Variants in CDCA7L observed in about 807,000 individuals in gnomAD.
The protein encoded by CDCA7L is cell division cycle-associated 7-like protein.
Under a neutral mutation model 57.4 loss-of-function variants are expected in CDCA7L, and 44 were observed. The ratio of observed to expected loss-of-function variants is 0.77; its 90% CI spans 0.60 to 0.98. The LOEUF (loss-of-function observed/expected upper bound fraction) is 0.98, where lower values mean the gene tolerates loss of function less well. Ranked by LOEUF, CDCA7L falls within the 50% of genes least tolerant of loss-of-function variation. The probability of loss-of-function intolerance (pLI) is 0.00; values close to 1 mark genes in which losing one functional copy is unlikely to be tolerated. For synonymous variants in CDCA7L, 236 were observed against 202.8 expected, an observed-to-expected ratio of 1.16 and a Z score of -1.39; for missense variants, 644 against 580.6, an observed-to-expected ratio of 1.11 and a Z score of -1.12.
At chr7:21,915,807 G>C (rs1785466583) in intron 2 of CDCA7L, among the ~76,000 whole-genome samples, 1 of 152,014 alleles carries the variant, frequency 6.6e-6, no homozygotes, top group Non-Finnish European at 1.5e-5. Flanking sequence ...CAGCCTGGGT[G>C]ACACAATGAT....
intron 7 of CDCA7L, 25 bp downstream of exon 7, chr7:21,905,481 G>A: frequency 6.2e-7 from 1 of 1,610,178 alleles, no homozygotes; most frequent in Non-Finnish European, 8.5e-7. Context: ...CTCCCAATAA[G>A]AATGACAATT....
chr7:21,913,455 G>A (rs989543217), intron 2 of CDCA7L, among the ~76,000 whole-genome samples: 2 of 152,188 alleles, frequency 1.3e-5, no homozygotes, highest in African/African-American at 4.8e-5. Context: ...TCTCTCTATT[G>A]GTTAAAATGG....
At chr7:21,944,764 G>A (rs894266046) in intron 1 of CDCA7L, 1 of 152,044 alleles carries the variant, frequency 6.6e-6, no homozygotes, top group Non-Finnish European at 1.5e-5. Flanking sequence ...TTCCAACGCT[G>A]GCGGCCCCGC....
chr7:21,930,540 C>A (rs951137630), intron 1 of CDCA7L, among the ~76,000 whole-genome samples: 4 of 151,352 alleles, frequency 2.6e-5, no homozygotes, highest in Non-Finnish European at 5.9e-5. Flanking sequence ...ACTAAAAACA[C>A]AAAAAAATTA....
chr7:21,902,954 G>A (rs771167755), intron 9 of CDCA7L, 24 bp downstream of exon 9: 3 of 1,607,140 alleles, frequency 1.9e-6, no homozygotes, highest in East Asian at 2.2e-5. Context: ...AAGCTGTTTT[G>A]TAAGCTGCTA....
chr7:21,931,476 T>C (rs528576846), intron 1 of CDCA7L, among the ~76,000 whole-genome samples: 43 of 152,256 alleles, frequency 2.8e-4, no homozygotes, highest in South Asian at 1.9e-3. Context: ...GTTCAATATA[T>C]GCAAATCAAT....
intron 1 of CDCA7L, among the ~76,000 whole-genome samples, chr7:21,936,248 C>T (rs1428823282): frequency 1.3e-5 from 2 of 152,132 alleles, no homozygotes; most frequent in East Asian, 3.8e-4. Flanking sequence ...TTCTACCAAA[C>T]ATTTAAAGAA....
Position 21,940,308 on chromosome 7 carries a change from G to A in CDCA7L, c.24+5473C>T, listed in dbSNP as rs536659793. 1.0e-5 allele frequency: 10 copies of A among 984,870 alleles called. No individual in the cohort carries two copies. In the South Asian group the frequency reaches 1.9e-4, roughly 19 times the overall value. 61.0% of individuals were successfully genotyped at this position (984,870 alleles called of 1,614,324 possible). On this transcript the variant is annotated intron_variant, in intron 1 of 9. Coordinates refer to ENST00000406877, the MANE Select transcript of CDCA7L (RefSeq NM_018719.5). ...CTGATGACTTCCAAACTATGCCTGC[G>A]AAGTGCTCTGAAAAGTAGAAAACGC...
rs1437080331 is a variant in CDCA7L at position 21,904,197 on chromosome 7, C to T, written c.1110G>A (p.Gln370=). 6.2e-7 allele frequency: 1 copy of T among 1,613,758 alleles called. No individual in the cohort carries two copies. The highest frequency in any genetic ancestry group is 1.3e-5 in the African/African-American group (1 of 74,918). The change falls in exon 8 of 10, where the codon CAG becomes CAA. Residue 370 remains glutamine, a synonymous_variant. Coordinates refer to ENST00000406877, the MANE Select transcript of CDCA7L (RefSeq NM_018719.5). The part of the protein sequence containing the change: ...TIDTKTVCRN[Q]GCCGVRGQFC... ...ACTGTCCTCGCACACCACAGCAACC[C>T]TGGTTCCGACACACTGTCTTGGTGT...
chr7:21,902,003 A>ATGTT lies in CDCA7L; in HGVS notation c.*315_*318dup, dbSNP rs1784899121. ...ATCAAGTGCAGGAGCTGATCATACA[A>ATGTT]TGTTTTCTCTCTAACTTACTTACCT... is the stretch of plus-strand genomic sequence containing the variant. On this transcript the variant is annotated 3_prime_UTR_variant, in exon 10 of 10. Transcript: ENST00000406877. 5.7e-6 allele frequency: 2 copies of ATGTT among 352,478 alleles called. No individual in the cohort carries two copies. Among genetic ancestry groups the ATGTT allele is most frequent in the South Asian group, 7.4e-5 (2 of 26,846 alleles). The allele number at this position is 352,478 out of a possible 1,614,324, so 21.8% of individuals were successfully genotyped here.
intron 1 of CDCA7L, among the ~76,000 whole-genome samples, chr7:21,934,516 G>A (rs574453035): frequency 6.6e-6 from 1 of 152,118 alleles, no homozygotes; most frequent in Non-Finnish European, 1.5e-5. Context: ...GGACAAAAAA[G>A]CCATAGGATA....
Position 21,902,336 on chromosome 7 carries a change from C to T in CDCA7L, c.1351G>A (p.Val451Ile). 6.2e-7 allele frequency: 1 copy of T among 1,613,776 alleles called. No individual in the cohort carries two copies. The highest frequency in any genetic ancestry group is 8.5e-7 in the Non-Finnish European group (1 of 1,179,746). Reference protein sequence around the residue: ...EYLESLQKELVEDN With the variant: ...EYLESLQKELIEDN The stretch of plus-strand genomic sequence containing the variant: ...TTGTTTTCCTCTTAATTGTCTTCTA[C>T]CAGCTCCTTTTGTAAGCTGGGAAAA... Residue 451 changes from valine to isoleucine, a missense_variant, in exon 10 of 10, where the codon GTA (valine) becomes ATA (isoleucine). Val to Ile is a conservative substitution (Grantham distance 29). Coordinates refer to ENST00000406877, the MANE Select transcript of CDCA7L (RefSeq NM_018719.5).
In CDCA7L at chr7:21,902,173, ATAAACAATC is replaced by A. The variant is rs796260754; in HGVS notation, c.*140_*148del. ...CTTCCTGAGAAATCTTTGTAAGCAT[ATAAACAATC>A]TTTAACAAAAAATAGTAATTTCTAC... On this transcript the variant is annotated 3_prime_UTR_variant, in exon 10 of 10. Coordinates refer to ENST00000406877, the MANE Select transcript of CDCA7L (RefSeq NM_018719.5). 5.2e-6 allele frequency: 4 copies of A among 774,346 alleles called. No individual in the cohort carries two copies. In the African/African-American group the frequency reaches 7.1e-5, roughly 14 times the overall value. 48.0% of individuals were successfully genotyped at this position (774,346 alleles called of 1,614,324 possible). A position where few individuals can be genotyped will look rare whatever the true frequency, so the allele number is the denominator to read the frequency against.
intron 1 of CDCA7L, among the ~76,000 whole-genome samples, chr7:21,935,519 A>C (rs529916436): frequency 1.2e-4 from 18 of 152,280 alleles, no homozygotes; most frequent in African/African-American, 3.8e-4. Context: ...AAGAGGAAGG[A>C]AACAAAGATT....
At position 21,908,436 on chromosome 7, in the gene CDCA7L, T is replaced by A. The variant is rs1785209087; in HGVS notation, c.375A>T (p.Glu125Asp). ...TGCTTCTTCTAGGGGTAGCCTTATC[T>A]TCTTCTTCATCTTCCTCTTCCTCGC... ...LVSEEEEDEE[E>D]DKATPRRSRS... The change falls in exon 4 of 10, where the codon GAA becomes GAT. Residue 125 changes from glutamate to aspartate, a missense_variant. By Grantham distance (45) the Glu-to-Asp change is conservative (BLOSUM62 2). Transcript: ENST00000406877. 7.0e-6 allele frequency: 11 copies of A among 1,577,030 alleles called. No homozygotes were observed. Among genetic ancestry groups the A allele is most frequent in the East Asian group, 2.2e-5 (1 of 44,524 alleles).
chr7:21,901,292 A>G lies in CDCA7L; in HGVS notation c.*1030T>C. 3 of 1,561,548 alleles carry G rather than the reference A, an allele frequency of 1.9e-6. No homozygotes were observed. The highest frequency in any genetic ancestry group is 1.4e-5 in the African/African-American group (1 of 73,342). ...ATTCCTCTAGCCTCTGCTGGAGTGCAGTGAGGATTTTCTAGCATGTTGCTG... is the reference window on the plus strand; with the variant it reads ...ATTCCTCTAGCCTCTGCTGGAGTGCGGTGAGGATTTTCTAGCATGTTGCTG... On this transcript the variant is annotated 3_prime_UTR_variant, in exon 10 of 10. Coordinates refer to ENST00000406877, the MANE Select transcript of CDCA7L (RefSeq NM_018719.5).
intron 1 of CDCA7L, among the ~76,000 whole-genome samples, chr7:21,918,458 G>A (rs1785556332): frequency 6.6e-6 from 1 of 152,288 alleles, no homozygotes; most frequent in East Asian, 1.9e-4. Flanking sequence ...TCTGCATCAT[G>A]ATCCAAATAA....
chr7:21,918,197 T>A (rs1008454615), intron 1 of CDCA7L, among the ~76,000 whole-genome samples: 5 of 152,160 alleles, frequency 3.3e-5, no homozygotes, highest in Admixed American at 6.5e-5. Context: ...TTTTAAAAAA[T>A]TTTTCATTAT....
At chr7:21,919,866 T>C (rs943028110) in intron 1 of CDCA7L, among the ~76,000 whole-genome samples, 1 of 152,176 alleles carries the variant, frequency 6.6e-6, no homozygotes, top group Non-Finnish European at 1.5e-5. Context: ...GAACATAGTC[T>C]CACTATACAC....
Sources: allele counts gnomAD v4.1 joint callset (sites outside exome capture counted in the v4.1 genomes callset), GRCh38; gene constraint gnomAD v4.1.1; transcripts MANE v1.5; gene names NCBI Gene and HGNC (gene_info 2026-07-23, HGNC 2026-07-21).